Variants in MINAR1 observed in about 807,000 individuals in gnomAD.
MINAR1 encodes membrane integral NOTCH2 associated receptor 1.
In MINAR1, 40 loss-of-function variants were observed where a neutral mutation model predicts 65.1. The observed-to-expected ratio is 0.61, with a 90% CI of 0.48 to 0.80. The LOEUF (loss-of-function observed/expected upper bound fraction) is 0.80. MINAR1 is among the 30% of genes least tolerant of loss of function. The pLI is 0.00. For synonymous variants in MINAR1, 482 were observed against 449.1 expected, an observed-to-expected ratio of 1.07 and a Z score of -0.93; for missense variants, 1,128 against 1,148.0, an observed-to-expected ratio of 0.98 and a Z score of 0.25.
At chr15:79,421,723 G>A in the MINAR1 span, 4 of 152,248 alleles carry the variant, frequency 2.6e-5, no homozygotes, top group East Asian at 3.8e-4. Context: ...GGCAGTGAAA[G>A]CCATATGAAT....
At chr15:79,452,715 G>GGGGT (rs1567055469) in intron 1 of MINAR1, among the ~76,000 whole-genome samples, 1 of 117,172 alleles carries the variant, frequency 8.5e-6, no homozygotes. Flanking sequence ...TGAGTGTGTG[G>GGGGT]GTGTGGGTGA....
At chr15:79,468,161 T>C in intron 3 of MINAR1, 26 bp from the exon 4 acceptor site, 1 of 1,591,498 alleles carries the variant, frequency 6.3e-7, no homozygotes, top group South Asian at 1.1e-5. Flanking sequence ...TTCACTGTAT[T>C]TCTAACATCT....
chr15:79,415,937 GA>G, the MINAR1 span: 4 of 152,116 alleles, frequency 2.6e-5, no homozygotes, highest in East Asian at 1.9e-4. Context: ...AAAAATTATA[GA>G]AAAAATCATC....
intron 3 of MINAR1, among the ~76,000 whole-genome samples, chr15:79,464,819 A>G (rs958943055): frequency 3.3e-5 from 5 of 152,056 alleles, no homozygotes; most frequent in East Asian, 1.9e-4. Flanking sequence ...CTTCAGGTCA[A>G]TCCCTCTTCT....
At chr15:79,450,747 G>C (rs1469149758) in intron 1 of MINAR1, among the ~76,000 whole-genome samples, 1 of 151,144 alleles carries the variant, frequency 6.6e-6, no homozygotes, top group East Asian at 2.0e-4. Context: ...CCCGCTTTAG[G>C]CAGGCGTCTC....
intron 1 of MINAR1, among the ~76,000 whole-genome samples, chr15:79,433,020 C>A (rs1408939926): frequency 6.6e-6 from 1 of 152,232 alleles, no homozygotes; most frequent in Non-Finnish European, 1.5e-5. Context: ...GATTTCCAGT[C>A]ACGTTGATGT....
rs987212136 is a variant in MINAR1, at chr15:79,469,992, G to A, written c.*1608G>A. Reference sequence around the variant, plus strand: ...CTGATTCTGTTGTTCACCATTAAGGGGTAGACAGTTAATTTTATTATGTTA... The same window carrying A: ...CTGATTCTGTTGTTCACCATTAAGGAGTAGACAGTTAATTTTATTATGTTA... On this transcript the variant is annotated 3_prime_UTR_variant, in exon 4 of 4. Transcript: ENST00000305428. 6.6e-6 allele frequency: 1 copy of A among 152,518 alleles called. No homozygotes were observed. 9.4% of individuals were successfully genotyped at this position (152,518 alleles called of 1,614,324 possible).
chr15:79,468,179 G>T lies in MINAR1; in HGVS notation c.2554-8G>T. 6.2e-7 allele frequency: 1 copy of T among 1,610,172 alleles called. No individual in the cohort carries two copies. Among genetic ancestry groups the T allele is most frequent in the Non-Finnish European group, 8.5e-7 (1 of 1,176,948 alleles). On this transcript the variant is annotated splice_region_variant and splice_polypyrimidine_tract_variant and intron_variant, in intron 3 of 3. Transcript: ENST00000305428. ...ACTGTATTTCTAACATCTTCTCTTCGCTTTTAGACGCAAGAATCTTTAAAC... is the reference window on the plus strand; with the variant it reads ...ACTGTATTTCTAACATCTTCTCTTCTCTTTTAGACGCAAGAATCTTTAAAC...
intron 1 of MINAR1, among the ~76,000 whole-genome samples, chr15:79,455,444 G>A (rs373644632): frequency 2.4e-4 from 36 of 152,208 alleles, no homozygotes; most frequent in African/African-American, 8.4e-4. Flanking sequence ...CTAGTTTAGA[G>A]TCCTGTGAGT....
chr15:79,457,237 T>C lies in MINAR1; in HGVS notation c.1090T>C (p.Trp364Arg), dbSNP rs897509423. 6.2e-7 allele frequency: 1 copy of C among 1,614,148 alleles called. No homozygotes were observed. Among genetic ancestry groups the C allele is most frequent in the Non-Finnish European group, 8.5e-7 (1 of 1,180,030 alleles). The change falls in exon 2 of 4, where the codon TGG becomes CGG. Residue 364 changes from tryptophan (W) to arginine (R), a missense_variant. Trp to Arg is a moderately radical substitution (Grantham distance 101). Coordinates refer to ENST00000305428, the MANE Select transcript of MINAR1 (RefSeq NM_015206.3). ...CLGKPNKQTP[W>R]PAKSWSLNTE... ...AGGGAAGCCCAACAAGCAGACTCCCTGGCCAGCCAAAAGCTGGAGCCTAAA... is the reference window on the plus strand; with the variant it reads ...AGGGAAGCCCAACAAGCAGACTCCCCGGCCAGCCAAAAGCTGGAGCCTAAA...
At chr15:79,443,513 T>C (rs1894927661) in intron 1 of MINAR1, among the ~76,000 whole-genome samples, 1 of 152,202 alleles carries the variant, frequency 6.6e-6, no homozygotes, top group Non-Finnish European at 1.5e-5. Flanking sequence ...ATATTTCATT[T>C]CCATATAGAT....
Position 79,457,367 on chromosome 15 carries a change from C to T in MINAR1, c.1220C>T (p.Ala407Val), listed in dbSNP as rs1257497694. Residue 407 changes from alanine (A) to valine (V), a missense_variant, in exon 2 of 4, where the codon GCC becomes GTC. Coordinates refer to ENST00000305428, the MANE Select transcript of MINAR1 (RefSeq NM_015206.3). Reference protein sequence around the residue: ...NASSQTPNFPAPERRPTYLVP... With the variant: ...NASSQTPNFPVPERRPTYLVP... ...AGTAGCCAGACCCCCAATTTCCCAG[C>T]CCCAGAAAGGCGCCCAACTTACCTT... 1.2e-6 allele frequency: 2 copies of T among 1,614,180 alleles called. No homozygotes were observed. Among genetic ancestry groups the T allele is most frequent in the Non-Finnish European group, 1.7e-6 (2 of 1,180,040 alleles).
chr15:79,467,089 A>G (rs1454336450), intron 3 of MINAR1, among the ~76,000 whole-genome samples: 1 of 152,240 alleles, frequency 6.6e-6, no homozygotes. Context: ...AAAAAAGAGA[A>G]TGAATCTAGA....
At chr15:79,452,782 T>C (rs1895277035) in intron 1 of MINAR1, among the ~76,000 whole-genome samples, 1 of 150,306 alleles carries the variant, frequency 6.7e-6, no homozygotes. Context: ...TGCGTGTCTG[T>C]GTCTAGGTGA....
chr15:79,452,628 C>CTGTG (rs367728486), intron 1 of MINAR1, among the ~76,000 whole-genome samples: 5,200 of 113,464 alleles, frequency 0.046, 123 homozygotes, highest in Middle Eastern at 0.11. Context: ...CTGGATGAGT[C>CTGTG]TGTGTGTGTG....
chr15:79,451,853 C>A (rs902254651), intron 1 of MINAR1, among the ~76,000 whole-genome samples: 1 of 152,088 alleles, frequency 6.6e-6, no homozygotes, highest in African/African-American at 2.4e-5. Flanking sequence ...TTCCCAAACG[C>A]CAGAGAGGGG....
At chr15:79,468,128 C>A in intron 3 of MINAR1, 59 bp from the exon 4 acceptor site, 1 of 1,394,572 alleles carries the variant, frequency 7.2e-7, no homozygotes. Flanking sequence ...ACTGTCGGGA[C>A]GTCTTTGACC....
the MINAR1 span, chr15:79,426,618 A>T: frequency 6.6e-6 from 1 of 152,260 alleles, no homozygotes; most frequent in Non-Finnish European, 1.5e-5. Context: ...GGATTAACTC[A>T]AGCTGTAGTA....
chr15:79,452,637 T>G (rs1442286776), intron 1 of MINAR1, among the ~76,000 whole-genome samples: 1 of 148,314 alleles, frequency 6.7e-6, no homozygotes, highest in Non-Finnish European at 1.5e-5. Flanking sequence ...TCTGTGTGTG[T>G]GTGGGTGTGT....
Sources: allele counts gnomAD v4.1 joint callset (sites outside exome capture counted in the v4.1 genomes callset), GRCh38; gene constraint gnomAD v4.1.1; transcripts MANE v1.5; gene names NCBI Gene and HGNC (gene_info 2026-07-23, HGNC 2026-07-21).